GTF2IRD1: variants seen among roughly 807,000 people sequenced by gnomAD.
GTF2IRD1 encodes general transcription factor II-I repeat domain-containing protein 1.
GTF2IRD1 carries 26 observed loss-of-function variants against 113.2 expected under a neutral mutation model. The ratio of observed to expected loss-of-function variants is 0.23; its 90% CI spans 0.17 to 0.32. GTF2IRD1 has a LOEUF of 0.32. Ranked by LOEUF, GTF2IRD1 falls within the 10% of genes least tolerant of loss-of-function variation. The pLI, the probability that GTF2IRD1 is intolerant of heterozygous loss-of-function variation, is 1.00. For synonymous variants in GTF2IRD1, 484 were observed against 529.1 expected, an observed-to-expected ratio of 0.91 and a Z score of 1.17; for missense variants, 864 against 1,280.8, an observed-to-expected ratio of 0.67 and a Z score of 4.97.
chr7:74,480,300 C>T (rs1462955382), intron 1 of GTF2IRD1, among the ~76,000 whole-genome samples: 1 of 152,104 alleles, frequency 6.6e-6, no homozygotes, highest in Admixed American at 6.5e-5. Flanking sequence ...GCTGTGTCCC[C>T]ACCCCTGTGA....
At chr7:74,473,513 C>T (rs1262442373) in intron 1 of GTF2IRD1, among the ~76,000 whole-genome samples, 1 of 151,994 alleles carries the variant, frequency 6.6e-6, no homozygotes, top group Non-Finnish European at 1.5e-5. Context: ...CAGCCTCAAA[C>T]TCTTGGCTTC....
intron 6 of GTF2IRD1, 32 bp downstream of exon 6, chr7:74,519,751 G>A: frequency 1.3e-6 from 2 of 1,482,340 alleles, no homozygotes; most frequent in Middle Eastern, 1.8e-4. Context: ...CCAAGTCTAG[G>A]GGGTGGGACA....
intron 2 of GTF2IRD1, among the ~76,000 whole-genome samples, chr7:74,511,253 C>T (rs1796613429): frequency 6.6e-6 from 1 of 152,194 alleles, no homozygotes; most frequent in African/African-American, 2.4e-5. Context: ...CAGCCTCCTC[C>T]AAATGCTAGG....
intron 1 of GTF2IRD1, among the ~76,000 whole-genome samples, chr7:74,500,423 TAA>T (rs74272932): frequency 3.7e-4 from 51 of 136,540 alleles, no homozygotes; most frequent in Non-Finnish European, 3.0e-4. Context: ...TCTGTTTTGT[TAA>T]AAAAAAAAAA....
intron 1 of GTF2IRD1, among the ~76,000 whole-genome samples, chr7:74,480,011 T>C (rs1359098439): frequency 2.6e-5 from 4 of 152,152 alleles, no homozygotes; most frequent in African/African-American, 9.7e-5. Context: ...CCTCCCTAAG[T>C]GCTGGGATTA....
intron 22 of GTF2IRD1, among the ~76,000 whole-genome samples, chr7:74,581,618 G>T (rs1554366185): frequency 6.6e-6 from 1 of 152,242 alleles, no homozygotes; most frequent in East Asian, 1.9e-4. Context: ...GCCCACAGCA[G>T]TCCTTGGGGA....
rs587678964 is a variant in GTF2IRD1 at position 74,518,026 on chromosome 7, C to A, written c.422-113C>A. On this transcript the variant is annotated intron_variant, in intron 4 of 26. Coordinates refer to ENST00000424337, the MANE Select transcript of GTF2IRD1 (RefSeq NM_005685.4). ...TGCAGTTATGAGGGGTCCATGGGAA[C>A]CCCGCACCAAGGGGAGCCACTCAGC... 641 of 661,180 alleles carry A rather than the reference C, an allele frequency of 9.7e-4. 9 individuals are homozygous for A. The highest frequency in any genetic ancestry group is 4.4e-4 in the Middle Eastern group (1 of 2,266). 41.0% of individuals were successfully genotyped at this position (661,180 alleles called of 1,614,324 possible).
Position 74,538,193 on chromosome 7 carries a change from G to GAA in GTF2IRD1, c.1447+20_1447+21insAA. On this transcript the variant is annotated intron_variant, in intron 12 of 26. Transcript: ENST00000424337. ...GGCCAGGTGAGAAGGAACAGGGCCCGCTGTGTGTGTGGTGGGCCGGGAGGG... is the reference window on the plus strand; with the variant it reads ...GGCCAGGTGAGAAGGAACAGGGCCCGAACTGTGTGTGTGGTGGGCCGGGAGGG... 3 of 1,610,714 alleles carry GAA rather than the reference G, an allele frequency of 1.9e-6. No homozygotes were observed. Among genetic ancestry groups the GAA allele is most frequent in the Non-Finnish European group, 2.5e-6 (3 of 1,178,144 alleles).
intron 22 of GTF2IRD1, among the ~76,000 whole-genome samples, chr7:74,581,152 TG>T (rs1406952205): frequency 2.0e-5 from 3 of 151,538 alleles, no homozygotes; most frequent in African/African-American, 7.3e-5. Flanking sequence ...CCCAAGTAGC[TG>T]GGATTACAGG....
intron 1 of GTF2IRD1, among the ~76,000 whole-genome samples, chr7:74,463,728 GTT>G (rs1175596736): frequency 7.4e-6 from 1 of 134,706 alleles, no homozygotes. Context: ...GTTGTTTTTT[GTT>G]TTTTTTTTTT....
intron 1 of GTF2IRD1, among the ~76,000 whole-genome samples, chr7:74,470,502 C>T (rs74608486): frequency 5.9e-5 from 9 of 152,120 alleles, no homozygotes; most frequent in African/African-American, 1.9e-4. Flanking sequence ...TTATAACATT[C>T]AGCCTTCACC....
rs192992836 is a variant in GTF2IRD1 at position 74,490,170 on chromosome 7, G to A, written c.-6-17905G>A. Among the ~76,000 whole-genome samples the A allele has an allele frequency of 1.6e-3, 240 of 152,222 alleles. 1 individual carries two copies. Among genetic ancestry groups the A allele is most frequent in the African/African-American group, 5.8e-3 (239 of 41,536 alleles). On this transcript the variant is annotated intron_variant, in intron 1 of 26. Coordinates refer to ENST00000424337, the MANE Select transcript of GTF2IRD1 (RefSeq NM_005685.4). ...TTTTGTAGAGATGGGGTCTCACTGTGCTGCCCAGGCTGATCTTGAACTCCT... is the reference window on the plus strand; with the variant it reads ...TTTTGTAGAGATGGGGTCTCACTGTACTGCCCAGGCTGATCTTGAACTCCT...
chr7:74,582,496 C>A (rs587618303), intron 22 of GTF2IRD1, among the ~76,000 whole-genome samples: 1 of 152,144 alleles, frequency 6.6e-6, no homozygotes, highest in Non-Finnish European at 1.5e-5. Flanking sequence ...TGGCCTCAAG[C>A]AATCCTCCCA....
At chr7:74,501,337 C>T (rs540876461) in intron 1 of GTF2IRD1, among the ~76,000 whole-genome samples, 4 of 152,264 alleles carry the variant, frequency 2.6e-5, no homozygotes, top group South Asian at 4.1e-4. Context: ...TTCAGCTTTG[C>T]GACATCCTTG....
At chr7:74,476,529 A>G (rs1554333585) in intron 1 of GTF2IRD1, among the ~76,000 whole-genome samples, 1 of 151,768 alleles carries the variant, frequency 6.6e-6, no homozygotes, top group African/African-American at 2.4e-5. Context: ...AGGCTCGGCT[A>G]ATTTTTTTAT....
chr7:74,469,381 A>G (rs1040346919), intron 1 of GTF2IRD1, among the ~76,000 whole-genome samples: 3 of 151,986 alleles, frequency 2.0e-5, no homozygotes, highest in African/African-American at 7.3e-5. Context: ...GTCTAATTTC[A>G]GAGCATTTTT....
At chr7:74,562,121 G>C (rs1456067948) in intron 22 of GTF2IRD1, among the ~76,000 whole-genome samples, 1 of 152,252 alleles carries the variant, frequency 6.6e-6, no homozygotes, top group African/African-American at 2.4e-5. Flanking sequence ...TGCTACTTCT[G>C]CACCAGAATG....
chr7:74,496,342 GTGCA>G (rs782520861), intron 1 of GTF2IRD1, among the ~76,000 whole-genome samples: 29 of 143,540 alleles, frequency 2.0e-4, no homozygotes, highest in Non-Finnish European at 4.1e-4. Flanking sequence ...GTGCATGTAT[GTGCA>G]TGTGTGTGTG....
intron 1 of GTF2IRD1, among the ~76,000 whole-genome samples, chr7:74,479,177 T>C (rs2117090839): frequency 6.6e-6 from 1 of 152,280 alleles, no homozygotes; most frequent in South Asian, 2.1e-4. Flanking sequence ...TCCTCCGCCG[T>C]AGCTTCCTGG....
Sources: allele counts gnomAD v4.1 joint callset (sites outside exome capture counted in the v4.1 genomes callset), GRCh38; gene constraint gnomAD v4.1.1; transcripts MANE v1.5; gene names NCBI Gene and HGNC (gene_info 2026-07-23, HGNC 2026-07-21).